YEATS2: variants seen among roughly 807,000 people sequenced by gnomAD.
The protein encoded by YEATS2 is YEATS domain-containing protein 2.
YEATS2 carries 77 observed loss-of-function variants against 163.2 expected under a neutral mutation model. The observed-to-expected ratio is 0.47, with a 90% CI of 0.39 to 0.57. The LOEUF (loss-of-function observed/expected upper bound fraction) is 0.57. Ranked by LOEUF, YEATS2 falls within the 20% of genes least tolerant of loss-of-function variation. The pLI is 0.00. For missense variants in YEATS2, 1,549 were observed against 1,729.8 expected, an observed-to-expected ratio of 0.90 and a Z score of 1.85; for synonymous variants, 631 against 645.1, an observed-to-expected ratio of 0.98 and a Z score of 0.33.
chr3:183,787,188 C>T (rs557067823), intron 20 of YEATS2, among the ~76,000 whole-genome samples: 10 of 152,124 alleles, frequency 6.6e-5, no homozygotes, highest in African/African-American at 1.7e-4. Flanking sequence ...CTCCTGACCT[C>T]GTGATCCACC....
chr3:183,751,041 C>G (rs553478885), intron 9 of YEATS2, among the ~76,000 whole-genome samples: 2 of 152,122 alleles, frequency 1.3e-5, no homozygotes, highest in African/African-American at 4.8e-5. Context: ...TGTCATGAAG[C>G]TTTTCCCTTA....
intron 4 of YEATS2, among the ~76,000 whole-genome samples, chr3:183,719,491 G>A (rs752890209): frequency 6.6e-6 from 1 of 152,152 alleles, no homozygotes; most frequent in Non-Finnish European, 1.5e-5. Context: ...GCTAGGCTTT[G>A]CAGATACAAA....
At chr3:183,776,204 G>C in intron 18 of YEATS2, 81 bp downstream of exon 18, 1 of 1,349,594 alleles carries the variant, frequency 7.4e-7, no homozygotes, top group Non-Finnish European at 1.0e-6. Flanking sequence ...TACCTTTACG[G>C]CTCTGGGATC....
intron 28 of YEATS2, 178 bp from the exon 29 acceptor site, chr3:183,807,852 A>G (rs1013690275): frequency 9.0e-6 from 5 of 557,650 alleles, no homozygotes; most frequent in East Asian, 3.1e-5. Context: ...GAAAAACAAG[A>G]TAACATTCTT....
chr3:183,772,660 A>G, intron 16 of YEATS2, 97 bp downstream of exon 16: 4 of 1,479,294 alleles, frequency 2.7e-6, no homozygotes, highest in Non-Finnish European at 1.8e-6. Context: ...GGTCTAGGAA[A>G]GCCTAGTTAG....
chr3:183,804,314 C>T, intron 27 of YEATS2, 126 bp downstream of exon 27: 1 of 1,142,364 alleles, frequency 8.8e-7, no homozygotes, highest in Non-Finnish European at 1.2e-6. Context: ...CTGCCGTGTC[C>T]TTCGTGGGAC....
intron 19 of YEATS2, among the ~76,000 whole-genome samples, chr3:183,779,700 T>G (rs1723363515): frequency 6.6e-6 from 1 of 151,852 alleles, no homozygotes; most frequent in Admixed American, 6.6e-5. Context: ...ATTTATTTAT[T>G]TTTTATATAT....
chr3:183,797,775 G>C (rs1725297751), intron 21 of YEATS2, 148 bp from the exon 22 acceptor site: 1 of 910,022 alleles, frequency 1.1e-6, no homozygotes, highest in African/African-American at 1.7e-5. Flanking sequence ...CACAGCATCT[G>C]TTGTCTCCTG....
At chr3:183,788,590 A>T (rs1288400757) in intron 20 of YEATS2, among the ~76,000 whole-genome samples, 1 of 152,232 alleles carries the variant, frequency 6.6e-6, no homozygotes, top group Admixed American at 6.5e-5. Context: ...GGCTATTGTG[A>T]ATAGTGCCGT....
intron 1 of YEATS2, among the ~76,000 whole-genome samples, chr3:183,701,754 C>T (rs145146803): frequency 1.1e-3 from 161 of 152,224 alleles, no homozygotes; most frequent in Middle Eastern, 3.4e-3. Context: ...TATATCCACA[C>T]TCTCAAATAA....
chr3:183,701,126 G>C (rs1714046192), intron 1 of YEATS2, among the ~76,000 whole-genome samples: 1 of 150,544 alleles, frequency 6.6e-6, no homozygotes, highest in Non-Finnish European at 1.5e-5. Context: ...CTGTCGCCCA[G>C]GCTGGAGTGC....
chr3:183,757,712 GTTGT>G (rs376546808), intron 12 of YEATS2, among the ~76,000 whole-genome samples: 2 of 151,292 alleles, frequency 1.3e-5, no homozygotes, highest in African/African-American at 2.4e-5. Context: ...TTTTTTTGTT[GTTGT>G]TTGTTTGACC....
At chr3:183,731,030 G>A (rs371969061) in intron 7 of YEATS2, among the ~76,000 whole-genome samples, 10 of 152,112 alleles carry the variant, frequency 6.6e-5, no homozygotes, top group African/African-American at 2.4e-4. Flanking sequence ...GGCTGGGCGC[G>A]GTGGCTCAGG....
chr3:183,772,024 G>A (rs960616729), intron 15 of YEATS2, among the ~76,000 whole-genome samples: 4 of 152,054 alleles, frequency 2.6e-5, no homozygotes, highest in African/African-American at 9.7e-5. Context: ...ACCACGCCCG[G>A]CCAAACTTTT....
rs189547585 is a variant in YEATS2, at chr3:183,762,818, G to C, written c.1947+539G>C. On this transcript the variant is annotated intron_variant, in intron 15 of 30. Transcript: ENST00000305135. ...TGTGATCCCAGCACTTTAGGAGGCT[G>C]AGGCGGGCGGATTACCTGAAGGCAG... Among the ~76,000 whole-genome samples, 365 of 152,196 alleles carry C rather than the reference G, an allele frequency of 2.4e-3. 6 individuals are homozygous for C. The highest frequency in any genetic ancestry group is 1.9e-3 in the East Asian group (10 of 5,164).
intron 1 of YEATS2, among the ~76,000 whole-genome samples, chr3:183,710,696 G>GTT (rs66483673): frequency 2.7e-5 from 4 of 148,410 alleles, no homozygotes; most frequent in Non-Finnish European, 6.0e-5. Context: ...CAAAGAGAGG[G>GTT]TTTTTTTTTT....
chr3:183,808,295 CCT>C, intron 29 of YEATS2, 191 bp downstream of exon 29: 1 of 573,986 alleles, frequency 1.7e-6, no homozygotes, highest in Non-Finnish European at 3.1e-6. Context: ...AGTTATGTTT[CCT>C]CTGAGTCATG....
rs772020124 is a variant in YEATS2, at chr3:183,772,481, C to T, written c.2124C>T (p.Thr708=). ...AKAIVSGGGG[T]IVAQPVQTLT... is the part of the protein sequence containing the mutation. ...CAATTGTGAGTGGAGGTGGAGGAAC[C>T]ATTGTTGCTCAGCCAGTGCAGACCT... Residue 708 remains threonine (T), a synonymous_variant, in exon 16 of 31, where the codon ACC becomes ACT. Coordinates refer to ENST00000305135, the MANE Select transcript of YEATS2 (RefSeq NM_018023.5). The T allele has an allele frequency of 6.2e-7, 1 of 1,614,092 alleles. No homozygotes were observed. The highest frequency in any genetic ancestry group is 8.5e-7 in the Non-Finnish European group (1 of 1,179,994).
intron 23 of YEATS2, 132 bp from the exon 24 acceptor site, chr3:183,800,334 G>A: frequency 1.6e-6 from 1 of 639,958 alleles, no homozygotes; most frequent in South Asian, 1.9e-5. Flanking sequence ...TCAGTCCCCT[G>A]GCTGTGTCCC....
Sources: allele counts gnomAD v4.1 joint callset (sites outside exome capture counted in the v4.1 genomes callset), GRCh38; gene constraint gnomAD v4.1.1; transcripts MANE v1.5; gene names NCBI Gene and HGNC (gene_info 2026-07-23, HGNC 2026-07-21).